Variants in PON3 observed in about 807,000 individuals in gnomAD.
The protein encoded by PON3 is serum paraoxonase/lactonase 3.
In PON3, 37 loss-of-function variants were observed where a neutral mutation model predicts 36.3. The ratio of observed to expected loss-of-function variants is 1.02; its 90% CI spans 0.78 to 1.34. PON3 has a LOEUF of 1.34. Ranked by LOEUF, PON3 falls within the 40% of genes most tolerant of loss-of-function variation. The pLI is 0.00. For synonymous variants in PON3, 155 were observed against 154.8 expected, an observed-to-expected ratio of 1.00 and a Z score of -0.01; for missense variants, 415 against 426.5, an observed-to-expected ratio of 0.97 and a Z score of 0.24.
At chr7:95,375,451 G>A (rs1035231505) in intron 3 of PON3, among the ~76,000 whole-genome samples, 11 of 151,774 alleles carry the variant, frequency 7.2e-5, no homozygotes, top group African/African-American at 2.7e-4. Context: ...AGGGAAATGA[G>A]GCCTAGAAGA....
chr7:95,362,743 A>G lies in PON3; in HGVS notation c.777+17T>C, dbSNP rs1326764017. ...GGTAAGAAGTCAGATTGTGTGGGCC[A>G]GACAGGGTACTCTTACCTTCAGTTG... On this transcript the variant is annotated intron_variant, in intron 7 of 8. Coordinates refer to ENST00000265627, the MANE Select transcript of PON3 (RefSeq NM_000940.3). The G allele has an allele frequency of 6.3e-7, 1 of 1,585,498 alleles. No homozygotes were observed.
At chr7:95,388,162 A>C (rs1156936996) in intron 3 of PON3, among the ~76,000 whole-genome samples, 1 of 152,184 alleles carries the variant, frequency 6.6e-6, no homozygotes, top group Non-Finnish European at 1.5e-5. Context: ...TAGCCTATGG[A>C]ATGGGAGAAA....
chr7:95,380,516 T>G (rs977994327), intron 3 of PON3, among the ~76,000 whole-genome samples: 5 of 152,160 alleles, frequency 3.3e-5, no homozygotes, highest in African/African-American at 1.2e-4. Flanking sequence ...AAGGACCTGA[T>G]GGAGCTGAAA....
intron 3 of PON3, among the ~76,000 whole-genome samples, chr7:95,379,488 T>C (rs1444921615): frequency 6.6e-6 from 1 of 152,168 alleles, no homozygotes; most frequent in Admixed American, 6.5e-5. Context: ...ACCTGGAAAA[T>C]CAGGTCACTC....
At chr7:95,382,857 C>T (rs767188557) in intron 3 of PON3, among the ~76,000 whole-genome samples, 6 of 152,164 alleles carry the variant, frequency 3.9e-5, no homozygotes, top group Non-Finnish European at 8.8e-5. Context: ...TTTTATGAGG[C>T]CAGCATCATC....
intron 3 of PON3, among the ~76,000 whole-genome samples, chr7:95,384,873 A>G (rs903355392): frequency 2.0e-5 from 3 of 152,220 alleles, no homozygotes; most frequent in Admixed American, 6.5e-5. Context: ...AAAGGAATAT[A>G]AATCCTGCTG....
intron 3 of PON3, among the ~76,000 whole-genome samples, chr7:95,388,105 TA>T (rs1321875236): frequency 6.6e-6 from 1 of 151,704 alleles, no homozygotes; most frequent in Non-Finnish European, 1.5e-5. Context: ...CTAATTAAAC[TA>T]AAGAGCTTCT....
chr7:95,383,338 G>A (rs1809108283), intron 3 of PON3, among the ~76,000 whole-genome samples: 1 of 152,166 alleles, frequency 6.6e-6, no homozygotes, highest in South Asian at 2.1e-4. Context: ...ACATAGTGTT[G>A]GAAGTTCTCG....
At chr7:95,376,989 C>G (rs778646860) in intron 3 of PON3, among the ~76,000 whole-genome samples, 3 of 152,220 alleles carry the variant, frequency 2.0e-5, no homozygotes, top group Non-Finnish European at 4.4e-5. Context: ...TTTCCCTTTC[C>G]TAGCCAAGGG....
chr7:95,364,589 T>C (rs978764970), intron 5 of PON3: 35 of 200,028 alleles, frequency 1.7e-4, no homozygotes, highest in African/African-American at 7.1e-4. Flanking sequence ...TTTATGATGA[T>C]AGAGACTGTG....
intron 3 of PON3, among the ~76,000 whole-genome samples, chr7:95,379,207 C>A (rs1808987434): frequency 2.0e-5 from 3 of 152,152 alleles, no homozygotes. Context: ...AGTTAACTAT[C>A]CTAAATATAC....
At chr7:95,379,892 G>C (rs1309915203) in intron 3 of PON3, among the ~76,000 whole-genome samples, 2 of 152,222 alleles carry the variant, frequency 1.3e-5, no homozygotes, top group African/African-American at 2.4e-5. Context: ...TCTGAGAACA[G>C]AAAGACTGCC....
intron 1 of PON3, among the ~76,000 whole-genome samples, chr7:95,395,148 G>A (rs1473685843): frequency 6.6e-6 from 1 of 152,092 alleles, no homozygotes; most frequent in Non-Finnish European, 1.5e-5. Flanking sequence ...ATTCAACAGG[G>A]TCTCCTAATA....
chr7:95,375,121 T>C (rs1384655793), intron 3 of PON3, among the ~76,000 whole-genome samples: 1 of 152,082 alleles, frequency 6.6e-6, no homozygotes, highest in Admixed American at 6.6e-5. Context: ...GACATCACTA[T>C]GCTCCCCAAC....
intron 3 of PON3, among the ~76,000 whole-genome samples, chr7:95,374,964 TC>T (rs1808882556): frequency 1.3e-5 from 2 of 152,086 alleles, no homozygotes; most frequent in South Asian, 2.1e-4. Flanking sequence ...GACTTTCAAG[TC>T]TGCACATTTA....
chr7:95,392,744 T>G (rs1809345617), intron 2 of PON3, among the ~76,000 whole-genome samples: 1 of 152,200 alleles, frequency 6.6e-6, no homozygotes, highest in African/African-American at 2.4e-5. Flanking sequence ...ATCGAATTAT[T>G]CATTGCCAAA....
chr7:95,373,259 C>T (rs1262626624), intron 3 of PON3, among the ~76,000 whole-genome samples: 2 of 152,190 alleles, frequency 1.3e-5, no homozygotes, highest in African/African-American at 4.8e-5. Flanking sequence ...TTTCCCTCTC[C>T]CTGTCCTTTC....
chr7:95,377,343 A>G (rs1357728268), intron 3 of PON3, among the ~76,000 whole-genome samples: 1 of 152,224 alleles, frequency 6.6e-6, no homozygotes. Context: ...TGGGCAGGGC[A>G]AATCAGAACA....
chr7:95,360,827 T>C (rs1808550793), intron 8 of PON3, among the ~76,000 whole-genome samples: 5 of 152,154 alleles, frequency 3.3e-5, no homozygotes, highest in Admixed American at 3.3e-4. Context: ...TATATTGATA[T>C]CTCTTATTAG....
Sources: gnomAD v4.1 joint callset for allele counts (sites outside exome capture counted in the v4.1 genomes callset) on GRCh38, gnomAD v4.1.1 for gene constraint, MANE v1.5 for transcripts, NCBI Gene and HGNC (gene_info 2026-07-23, HGNC 2026-07-21) for gene names.